The following RFC1 variants were observed in gnomAD, a reference collection of about 807,000 sequenced individuals.
RFC1 encodes the protein A1 140 kDa subunit.
A neutral mutation model predicts 137.4 loss-of-function variants in RFC1; 37 were observed. The observed-to-expected ratio is 0.27, with a 90% CI of 0.21 to 0.35. RFC1 has a LOEUF of 0.35. RFC1 is among the 10% of genes least tolerant of loss of function. RFC1 has a pLI of 1.00. For synonymous variants in RFC1, 429 were observed against 455.7 expected, an observed-to-expected ratio of 0.94 and a Z score of 0.75; for missense variants, 1,205 against 1,358.5, an observed-to-expected ratio of 0.89 and a Z score of 1.78.
intron 1 of RFC1, among the ~76,000 whole-genome samples, chr4:39,353,518 C>T (rs1279341719): frequency 2.0e-5 from 3 of 150,892 alleles, no homozygotes; most frequent in Non-Finnish European, 3.0e-5. Flanking sequence ...TTAAAAGATA[C>T]TGCTTACAGA....
chr4:39,288,849 TA>T lies in RFC1; in HGVS notation c.3361-6del, dbSNP rs770327462. 7.6e-6 allele frequency: 12 copies of T among 1,581,530 alleles called. No homozygotes were observed. Among genetic ancestry groups the T allele is most frequent in the African/African-American group, 1.4e-5 (1 of 73,902 alleles). On this transcript the variant is annotated splice_region_variant and splice_polypyrimidine_tract_variant and intron_variant, in intron 24 of 24. Transcript: ENST00000349703. ...CTTTGAAGATTTTGTCTTTTTCTGT[TA>T]GGGGGAAGATAACAAAATAGTTAAT...
chr4:39,319,546 TA>T lies in RFC1; in HGVS notation c.1095+836del, dbSNP rs1469368674. ...TAAATATGGGCTTACTTAGCTATATTAATACTCCATATCCTACAACAGCTTC... is the reference window on the plus strand; with the variant it reads ...TAAATATGGGCTTACTTAGCTATATTATACTCCATATCCTACAACAGCTTC... On this transcript the variant is annotated intron_variant, in intron 9 of 24. Coordinates refer to ENST00000349703, the MANE Select transcript of RFC1 (RefSeq NM_002913.5). Among the ~76,000 whole-genome samples, 6 of 152,234 alleles carry T rather than the reference TA, an allele frequency of 3.9e-5. No homozygotes were observed. The South Asian group carries it at 1.2e-3, about 31-fold the overall frequency.
chr4:39,320,672 A>T lies in RFC1; in HGVS notation c.809-3T>A, dbSNP rs1739476347. 1 of 1,564,310 alleles carries T rather than the reference A, an allele frequency of 6.4e-7. No homozygotes were observed. The highest frequency in any genetic ancestry group is 1.4e-5 in the African/African-American group (1 of 71,906). ...ATCTGAAACTTGTGCTGTTTTTACTAGGAAGAAAGAAAAGATTATGGTTGT... is the reference window on the plus strand; with the variant it reads ...ATCTGAAACTTGTGCTGTTTTTACTTGGAAGAAAGAAAAGATTATGGTTGT... On this transcript the variant is annotated splice_region_variant and splice_polypyrimidine_tract_variant and intron_variant, in intron 8 of 24. Transcript: ENST00000349703.
At chr4:39,295,555 G>C (rs2109586848) in intron 22 of RFC1, 59 bp downstream of exon 22, 1 of 1,434,710 alleles carries the variant, frequency 7.0e-7, no homozygotes, top group African/African-American at 1.4e-5. Context: ...GATCATTACT[G>C]GATAAAGGCC....
intron 4 of RFC1, among the ~76,000 whole-genome samples, chr4:39,337,973 C>CA (rs981991016): frequency 1.3e-5 from 2 of 152,146 alleles, no homozygotes; most frequent in African/African-American, 4.8e-5. Context: ...AAACCCCCAC[C>CA]ATTTTCGATC....
At chr4:39,300,760 T>C (rs1738312615) in intron 19 of RFC1, among the ~76,000 whole-genome samples, 1 of 152,140 alleles carries the variant, frequency 6.6e-6, no homozygotes, top group Non-Finnish European at 1.5e-5. Flanking sequence ...CAATGTAATA[T>C]TATTCAACAT....
Position 39,327,671 on chromosome 4 carries a change from T to C in RFC1, c.417A>G (p.Ser139=). ...TGTTTTCTTCATTCTTTTTCATGTTTGATGTTCCAAGATGACTATTTGTAG... is the reference window on the plus strand; with the variant it reads ...TGTTTTCTTCATTCTTTTTCATGTTCGATGTTCCAAGATGACTATTTGTAG... ...GRSTNSHLGT[S]NMKKNEENTK... Residue 139 remains serine (S), a synonymous_variant, in exon 5 of 25, where the codon TCA becomes TCG. Transcript: ENST00000349703. The C allele has an allele frequency of 6.2e-7, 1 of 1,613,682 alleles. No individual in the cohort carries two copies. Among genetic ancestry groups the C allele is most frequent in the East Asian group, 2.2e-5 (1 of 44,798 alleles).
chr4:39,330,894 C>CAT (rs764250106), intron 4 of RFC1, among the ~76,000 whole-genome samples: 53 of 151,482 alleles, frequency 3.5e-4, no homozygotes, highest in East Asian at 7.7e-4. Flanking sequence ...TTCAGTCATT[C>CAT]ATATATATAT....
chr4:39,365,633 CT>C, intron 1 of RFC1: 1 of 270,714 alleles, frequency 3.7e-6, no homozygotes, highest in Non-Finnish European at 5.7e-6. Context: ...CGCTGTACTT[CT>C]TTTTCCTAGT....
Position 39,327,869 on chromosome 4 carries a change from T to C in RFC1, c.332-113A>G, listed in dbSNP as rs111409410. 9.3e-4 allele frequency: 755 copies of C among 810,062 alleles called. 9 individuals are homozygous for C. The African/African-American group carries it at 0.012, about 13-fold the overall frequency. The allele number at this position is 810,062 out of a possible 1,614,324, so 50.2% of individuals were successfully genotyped here. The stretch of plus-strand genomic sequence containing the variant: ...ACAAGAGGCTAGACATGGTGGCTCA[T>C]GCTTGTAATCCCAGCACTTTTGGAG... On this transcript the variant is annotated intron_variant, in intron 4 of 24. Coordinates refer to ENST00000349703, the MANE Select transcript of RFC1 (RefSeq NM_002913.5).
At chr4:39,348,165 C>CGAGA (rs1159050417) in intron 2 of RFC1, among the ~76,000 whole-genome samples, 2 of 151,920 alleles carry the variant, frequency 1.3e-5, no homozygotes, top group Non-Finnish European at 2.9e-5. Context: ...TGGTGGCTCA[C>CGAGA]GCCTGTAATC....
In RFC1 at chr4:39,320,621, T is replaced by C. The variant is rs572693377; in HGVS notation, c.857A>G (p.Lys286Arg). 1 of 1,605,888 alleles carries C rather than the reference T, an allele frequency of 6.2e-7. No homozygotes were observed. The highest frequency in any genetic ancestry group is 1.3e-5 in the African/African-American group (1 of 74,474). Residue 286 changes from lysine to arginine, a missense_variant, in exon 9 of 25, where the codon AAG becomes AGG. By Grantham distance (26) the Lys-to-Arg change is conservative (BLOSUM62 2). Around this residue, in one of 3 missense-constraint regions of RFC1, gnomAD observed 962 missense variants for 1,035.3 expected, o/e 0.93. Coordinates refer to ENST00000349703, the MANE Select transcript of RFC1 (RefSeq NM_002913.5). ...SDERKSYSPR[K>R]QSKYESSKES... ...TTTTGAACTTTCATATTTACTTTGC[T>C]TCCTAGGACTGTAGCTCTTTCTTTC...
chr4:39,331,909 G>C (rs1300089034), intron 4 of RFC1, among the ~76,000 whole-genome samples: 1 of 152,046 alleles, frequency 6.6e-6, no homozygotes, highest in African/African-American at 2.4e-5. Flanking sequence ...ATCTCATCCT[G>C]AATTCCCACA....
chr4:39,302,072 A>G (rs1738387790), intron 19 of RFC1, among the ~76,000 whole-genome samples: 1 of 152,236 alleles, frequency 6.6e-6, no homozygotes, highest in African/African-American at 2.4e-5. Flanking sequence ...TCCCTTTCTC[A>G]AAATTTATAA....
At chr4:39,365,120 C>G (rs1223655983) in intron 1 of RFC1, among the ~76,000 whole-genome samples, 1 of 121,768 alleles carries the variant, frequency 8.2e-6, no homozygotes, top group Non-Finnish European at 1.6e-5. Context: ...GTGCTTGCAC[C>G]ATCTGTAAAA....
chr4:39,342,833 T>C (rs1740671639), intron 3 of RFC1, among the ~76,000 whole-genome samples: 1 of 152,222 alleles, frequency 6.6e-6, no homozygotes, highest in Non-Finnish European at 1.5e-5. Context: ...CAGTCTCCAG[T>C]GGATGCCAGC....
chr4:39,336,475 T>C (rs1231960894), intron 4 of RFC1, among the ~76,000 whole-genome samples: 2 of 152,204 alleles, frequency 1.3e-5, no homozygotes, highest in African/African-American at 4.8e-5. Flanking sequence ...ATTCTGTGAG[T>C]TATCAGACTA....
At chr4:39,292,174 G>C in intron 22 of RFC1, 1 of 290,456 alleles carries the variant, frequency 3.4e-6, no homozygotes, top group South Asian at 5.1e-5. Context: ...AATATGACTC[G>C]TTCCAAGTTC....
intron 1 of RFC1, among the ~76,000 whole-genome samples, chr4:39,354,100 A>G (rs1267520564): frequency 1.3e-5 from 2 of 151,742 alleles, no homozygotes; most frequent in African/African-American, 4.8e-5. Context: ...ACTTTACCCT[A>G]CTCCCCTAAA....
Sources: gnomAD v4.1 joint callset for allele counts (sites outside exome capture counted in the v4.1 genomes callset) on GRCh38, gnomAD v4.1.1 for gene constraint, gnomAD v4.1.1 regional missense constraint, MANE v1.5 for transcripts, NCBI Gene and HGNC (gene_info 2026-07-23, HGNC 2026-07-21) for gene names.